The following MARCHF1 variants were observed in gnomAD, a reference collection of about 807,000 sequenced individuals.
MARCHF1 encodes membrane associated ring-CH-type finger 1, also known as E3 ubiquitin-protein ligase MARCHF1.
Under a neutral mutation model 54.2 loss-of-function variants are expected in MARCHF1, and 40 were observed. The observed-to-expected ratio is 0.74, with a 90% CI of 0.57 to 0.96. MARCHF1 has a LOEUF of 0.96. Among genes scored for constraint, MARCHF1 ranks in the 40% least tolerant of loss-of-function variants. The pLI is 0.00. For synonymous variants in MARCHF1, 236 were observed against 236.3 expected (o/e 1.00, Z 0.01); for missense variants, 586 against 656.5 (o/e 0.89, Z 1.17).
At chr4:164,216,587 A>G (rs1274028627) in intron 1 of MARCHF1, among the ~76,000 whole-genome samples, 1 of 152,234 alleles carries the variant, frequency 6.6e-6, no homozygotes, top group East Asian at 1.9e-4. Flanking sequence ...TAATTTTTCT[A>G]TTAATAAAGC....
At chr4:164,146,743 C>T (rs1290968079) in intron 1 of MARCHF1, among the ~76,000 whole-genome samples, 1 of 152,080 alleles carries the variant, frequency 6.6e-6, no homozygotes, top group African/African-American at 2.4e-5. Context: ...TAGGCTTTAC[C>T]ATTCAGGACA....
chr4:164,152,014 G>A (rs540024252), intron 1 of MARCHF1, among the ~76,000 whole-genome samples: 1 of 152,134 alleles, frequency 6.6e-6, no homozygotes, highest in African/African-American at 2.4e-5. Flanking sequence ...TATATTTAGT[G>A]CCTACTGTTT....
At chr4:163,901,176 AC>A (rs1750933859) in intron 3 of MARCHF1, among the ~76,000 whole-genome samples, 1 of 152,208 alleles carries the variant, frequency 6.6e-6, no homozygotes, top group South Asian at 2.1e-4. Context: ...TAGCTGAGGA[AC>A]CTTTGTTCAG....
intron 1 of MARCHF1, among the ~76,000 whole-genome samples, chr4:164,180,359 G>A (rs147979232): frequency 2.3e-3 from 347 of 152,114 alleles, no homozygotes; most frequent in African/African-American, 8.1e-3. Flanking sequence ...TGCCTAAGAT[G>A]GAAGATTAGT....
At chr4:163,788,070 G>T (rs970081318) in intron 4 of MARCHF1, among the ~76,000 whole-genome samples, 1 of 151,864 alleles carries the variant, frequency 6.6e-6, no homozygotes, top group Non-Finnish European at 1.5e-5. Context: ...ATAGGGGAAG[G>T]GGGAGAGGAA....
chr4:163,692,657 C>A (rs940006612), intron 5 of MARCHF1, among the ~76,000 whole-genome samples: 1 of 144,034 alleles, frequency 6.9e-6, no homozygotes. Context: ...TGAACAGCAG[C>A]AAGACATTAG....
At chr4:164,152,275 T>C (rs1430982) in intron 1 of MARCHF1, among the ~76,000 whole-genome samples, 59,167 of 151,990 alleles carry the variant, frequency 0.39, 12,791 homozygotes, top group Non-Finnish European at 0.49. Flanking sequence ...TCATAATTAT[T>C]CTGAATTTTT....
chr4:163,745,641 A>G (rs985094564), intron 4 of MARCHF1, among the ~76,000 whole-genome samples: 3 of 152,156 alleles, frequency 2.0e-5, no homozygotes, highest in African/African-American at 7.2e-5. Flanking sequence ...ACATCTAATC[A>G]AAATTTACAT....
intron 9 of MARCHF1, among the ~76,000 whole-genome samples, chr4:163,532,058 G>C (rs1205525176): frequency 6.6e-6 from 1 of 151,766 alleles, no homozygotes; most frequent in African/African-American, 2.4e-5. Flanking sequence ...ATCCCATTCA[G>C]AATTCCAGCA....
At chr4:163,562,420 A>T (rs1390520658) in intron 8 of MARCHF1, among the ~76,000 whole-genome samples, 1 of 152,170 alleles carries the variant, frequency 6.6e-6, no homozygotes. Context: ...AGCACCTGAT[A>T]CTATTGACTA....
At chr4:163,787,880 G>A (rs1313508800) in intron 4 of MARCHF1, among the ~76,000 whole-genome samples, 1 of 151,912 alleles carries the variant, frequency 6.6e-6, no homozygotes, top group African/African-American at 2.4e-5. Context: ...CATGCAATGG[G>A]ATATTATACA....
intron 1 of MARCHF1, among the ~76,000 whole-genome samples, chr4:164,176,978 CTCTA>C (rs1277964846): frequency 0.013 from 502 of 38,704 alleles, 1 homozygote; most frequent in Admixed American, 0.032. Context: ...CTCTCTCTCT[CTCTA>C]TATATATATA....
At chr4:164,110,434 T>C (rs1012360232) in intron 2 of MARCHF1, among the ~76,000 whole-genome samples, 22 of 151,854 alleles carry the variant, frequency 1.4e-4, no homozygotes, top group Middle Eastern at 3.2e-3. Flanking sequence ...AAGATTTTTT[T>C]GAACTAATTT....
chr4:163,738,581 G>A (rs1746113360), intron 4 of MARCHF1, among the ~76,000 whole-genome samples: 2 of 152,150 alleles, frequency 1.3e-5, no homozygotes, highest in African/African-American at 2.4e-5. Flanking sequence ...GGTCCACAAT[G>A]TCTTTATGTG....
intron 5 of MARCHF1, among the ~76,000 whole-genome samples, chr4:163,663,066 G>C (rs1435107885): frequency 2.6e-5 from 4 of 151,924 alleles, no homozygotes; most frequent in Admixed American, 6.6e-5. Context: ...TGTAATATAA[G>C]TCTGTGATTA....
At chr4:163,573,301 A>C (rs1023276875) in intron 8 of MARCHF1, among the ~76,000 whole-genome samples, 3 of 128,548 alleles carry the variant, frequency 2.3e-5, no homozygotes, top group African/African-American at 1.1e-4. Context: ...TTCTCTTATT[A>C]TTATTATTAT....
At position 164,077,329 on chromosome 4, in the gene MARCHF1, G is replaced by A. The variant is rs999866757; in HGVS notation, c.-248+34259C>T. Among the ~76,000 whole-genome samples the A allele has an allele frequency of 5.6e-4, 86 of 152,296 alleles. 1 individual carries two copies. Among genetic ancestry groups the A allele is most frequent in the African/African-American group, 1.9e-3 (81 of 41,578 alleles). On this transcript the variant is annotated intron_variant, in intron 2 of 9. Coordinates refer to ENST00000514618, the MANE Select transcript of MARCHF1 (RefSeq NM_001394959.1). ...TGTTGGCAAAACTGGCTAGCCATAT[G>A]CAGAAAACTGAAACTGGACCCCTTC...
rs796782617 is a variant in MARCHF1 at position 163,979,267 on chromosome 4, G to A, written c.-39+9234C>T. Among the ~76,000 whole-genome samples the A allele has an allele frequency of 2.4e-3, 297 of 123,864 alleles. 11 individuals are homozygous for A. The South Asian group carries it at 0.076, about 32-fold the overall frequency. 81.3% of individuals were successfully genotyped at this position (123,864 alleles called of 152,430 possible). A position where few individuals can be genotyped will look rare whatever the true frequency, so the allele number is the denominator to read the frequency against. ...TTCCCACCTATGAGTGAGAATATGC[G>A]GTGTTTGGTTTTTTGTTCTTGTGAT... On this transcript the variant is annotated intron_variant, in intron 3 of 9. Coordinates refer to ENST00000514618, the MANE Select transcript of MARCHF1 (RefSeq NM_001394959.1).
chr4:163,761,102 G>A (rs1267717177), intron 4 of MARCHF1, among the ~76,000 whole-genome samples: 1 of 152,120 alleles, frequency 6.6e-6, no homozygotes, highest in Admixed American at 6.6e-5. Context: ...GTATTTGTGG[G>A]ACAGTTATTT....
Sources: allele counts gnomAD v4.1 joint callset (sites outside exome capture counted in the v4.1 genomes callset), GRCh38; gene constraint gnomAD v4.1.1; transcripts MANE v1.5; gene names NCBI Gene and HGNC (gene_info 2026-07-23, HGNC 2026-07-21).